The following FHIT variants were observed in gnomAD, a reference collection of about 807,000 sequenced individuals.
FHIT encodes the protein bis(5'-adenosyl)-triphosphatase.
A neutral mutation model predicts 17.9 loss-of-function variants in FHIT; 19 were observed. That is an observed-to-expected ratio of 1.06 (90% CI 0.74 to 1.56). The LOEUF is 1.56. Ranked by LOEUF, FHIT falls within the 40% of genes most tolerant of loss-of-function variation. The pLI, the probability that FHIT is intolerant of heterozygous loss-of-function variation, is 0.00. For synonymous variants in FHIT, 81 were observed against 69.7 expected (o/e 1.16, Z -0.81); for missense variants, 248 against 189.2 (o/e 1.31, Z -1.82).
At chr3:61,024,729 T>C (rs1276256366) in intron 3 of FHIT, among the ~76,000 whole-genome samples, 1 of 152,206 alleles carries the variant, frequency 6.6e-6, no homozygotes, top group Non-Finnish European at 1.5e-5. Context: ...CAACGCATTT[T>C]ATGATTTTAA....
intron 5 of FHIT, among the ~76,000 whole-genome samples, chr3:60,131,276 C>A (rs560045233): frequency 6.6e-6 from 1 of 151,886 alleles, no homozygotes; most frequent in Non-Finnish European, 1.5e-5. Flanking sequence ...CAATGTAATG[C>A]TATATAGTTA....
intron 3 of FHIT, among the ~76,000 whole-genome samples, chr3:60,922,168 A>G (rs73838624): frequency 8.5e-4 from 130 of 152,316 alleles, no homozygotes; most frequent in African/African-American, 3.1e-3. Context: ...ACTTGGAAGG[A>G]CTGCCTATAG....
intron 4 of FHIT, among the ~76,000 whole-genome samples, chr3:60,561,970 T>A (rs2036969667): frequency 6.7e-6 from 1 of 149,496 alleles, no homozygotes. Context: ...GAGAGAAAGA[T>A]AATTCTGACT....
chr3:61,129,845 G>A (rs537479080), intron 2 of FHIT, among the ~76,000 whole-genome samples: 1 of 152,270 alleles, frequency 6.6e-6, no homozygotes, highest in South Asian at 2.1e-4. Context: ...TTCCCTAGCA[G>A]CACTGAATTC....
At chr3:59,967,442 T>C (rs941604348) in intron 7 of FHIT, among the ~76,000 whole-genome samples, 1 of 152,126 alleles carries the variant, frequency 6.6e-6, no homozygotes, top group East Asian at 1.9e-4. Flanking sequence ...AATAATGCAA[T>C]GGACTACAAC....
intron 8 of FHIT, among the ~76,000 whole-genome samples, chr3:59,875,729 C>T (rs1322533083): frequency 1.3e-5 from 2 of 151,870 alleles, no homozygotes; most frequent in African/African-American, 4.8e-5. Flanking sequence ...TATCAGGGAG[C>T]TAACGATGGC....
At chr3:60,531,342 G>A (rs952665221) in intron 5 of FHIT, among the ~76,000 whole-genome samples, 4 of 140,360 alleles carry the variant, frequency 2.8e-5, no homozygotes, top group Admixed American at 7.7e-5. Context: ...GCAGTGGTGC[G>A]ATCTAGGCTC....
At chr3:59,775,347 A>G (rs1173928082) in intron 8 of FHIT, among the ~76,000 whole-genome samples, 1 of 152,194 alleles carries the variant, frequency 6.6e-6, no homozygotes, top group African/African-American at 2.4e-5. Context: ...TGACCAGGCC[A>G]CAGGCTCCGG....
chr3:60,259,715 G>A (rs550598343), intron 5 of FHIT, among the ~76,000 whole-genome samples: 1 of 152,088 alleles, frequency 6.6e-6, no homozygotes, highest in Non-Finnish European at 1.5e-5. Context: ...CTTGCAGACA[G>A]TAAGTAGCTA....
chr3:59,824,311 G>A (rs1392671155), intron 8 of FHIT, among the ~76,000 whole-genome samples: 2 of 152,116 alleles, frequency 1.3e-5, no homozygotes, highest in Non-Finnish European at 2.9e-5. Context: ...ATAGAGGCAT[G>A]GACTAGAAAC....
intron 3 of FHIT, among the ~76,000 whole-genome samples, chr3:60,865,588 G>A (rs1553753674): frequency 1.3e-5 from 2 of 152,102 alleles, no homozygotes; most frequent in East Asian, 1.9e-4. Context: ...AGTATGAAGA[G>A]AGTCTATATC....
Position 60,860,824 on chromosome 3 carries a change from G to GAAC in FHIT, c.-110-38814_-110-38813insGTT, listed in dbSNP as rs1703747972. Among the ~76,000 whole-genome samples the GAAC allele has an allele frequency of 3.4e-4, 2 of 5,882 alleles. 1 individual carries two copies. The highest frequency in any genetic ancestry group is 0.013 in the East Asian group (2 of 156). The allele number at this position is 5,882 out of a possible 152,430, so 3.9% of individuals were successfully genotyped here. On this transcript the variant is annotated intron_variant, in intron 3 of 9. Transcript: ENST00000492590. Reference sequence around the variant, plus strand: ...ATGTACATATATATCAGGTATATATGATACATATGTACATATATCAGGTAT... The same window carrying GAAC: ...ATGTACATATATATCAGGTATATATGAACATACATATGTACATATATCAGGTAT...
At chr3:60,414,143 T>C (rs903921185) in intron 5 of FHIT, among the ~76,000 whole-genome samples, 16 of 152,314 alleles carry the variant, frequency 1.1e-4, no homozygotes, top group African/African-American at 3.8e-4. Context: ...TTCTAGGATC[T>C]AGATGGAGCT....
chr3:61,034,338 G>A (rs1021072508), intron 3 of FHIT, among the ~76,000 whole-genome samples: 1 of 151,860 alleles, frequency 6.6e-6, no homozygotes, highest in African/African-American at 2.4e-5. Context: ...TCTACAGAGT[G>A]AGAGAACATA....
At chr3:60,093,884 T>C (rs1192974960) in intron 5 of FHIT, among the ~76,000 whole-genome samples, 3 of 152,316 alleles carry the variant, frequency 2.0e-5, no homozygotes, top group Admixed American at 1.3e-4. Context: ...CTGTTCTATA[T>C]TGCCTACTAC....
chr3:60,756,224 A>G (rs1001376041), intron 4 of FHIT, among the ~76,000 whole-genome samples: 3 of 152,224 alleles, frequency 2.0e-5, no homozygotes, highest in Non-Finnish European at 4.4e-5. Flanking sequence ...TCTTCTATCA[A>G]ACACATACCC....
In FHIT at chr3:59,755,500, A is replaced by G. The variant is rs186922989; in HGVS notation, c.349-3179T>C. Among the ~76,000 whole-genome samples the G allele has an allele frequency of 3.1e-3, 475 of 152,324 alleles. 3 individuals carry two copies. The highest frequency in any genetic ancestry group is 4.2e-3 in the Admixed American group (65 of 15,304). On this transcript the variant is annotated intron_variant, in intron 8 of 9. Coordinates refer to ENST00000492590, the MANE Select transcript of FHIT (RefSeq NM_002012.4). ...TGATCTTAAATAGTAGTTTATCCAA[A>G]AGGCAGTATTTGCCGTGGGTGAACT...
chr3:60,244,144 G>A (rs1046160095), intron 5 of FHIT, among the ~76,000 whole-genome samples: 5 of 152,038 alleles, frequency 3.3e-5, no homozygotes, highest in Non-Finnish European at 5.9e-5. Context: ...CAGTTTAGGT[G>A]TAGTGATAAA....
At chr3:60,653,113 A>G (rs528137576) in intron 4 of FHIT, among the ~76,000 whole-genome samples, 2 of 152,346 alleles carry the variant, frequency 1.3e-5, no homozygotes, top group African/African-American at 2.4e-5. Context: ...ACAGATCACC[A>G]GAAATTTAAT....
Sources: gnomAD v4.1 joint callset for allele counts (sites outside exome capture counted in the v4.1 genomes callset) on GRCh38, gnomAD v4.1.1 for gene constraint, MANE v1.5 for transcripts, NCBI Gene and HGNC (gene_info 2026-07-23, HGNC 2026-07-21) for gene names.